Variants in UQCRB observed in about 807,000 individuals in gnomAD.
UQCRB encodes the protein ubiquinol-cytochrome c reductase binding protein.
A neutral mutation model predicts 19.8 loss-of-function variants in UQCRB; 12 were observed. The ratio of observed to expected loss-of-function variants is 0.61; its 90% CI spans 0.39 to 0.98. The LOEUF (loss-of-function observed/expected upper bound fraction) is 0.98. Ranked by LOEUF, UQCRB falls within the 50% of genes least tolerant of loss-of-function variation. The pLI is 0.00. For synonymous variants in UQCRB, 39 were observed against 42.9 expected (o/e 0.91, Z 0.35); for missense variants, 142 against 131.8 (o/e 1.08, Z -0.38).
At chr8:96,233,307 G>T in intron 1 of UQCRB, 80 bp from the exon 2 acceptor site, 1 of 1,311,262 alleles carries the variant, frequency 7.6e-7, no homozygotes, top group Non-Finnish European at 1.1e-6. Context: ...CCAGTACTCA[G>T]TTATCTTGCT....
Position 96,230,432 on chromosome 8 carries a change from G to C in UQCRB, c.*623C>G, listed in dbSNP as rs749456471. 3.5e-5 allele frequency: 16 copies of C among 452,868 alleles called. No individual in the cohort carries two copies. The highest frequency in any genetic ancestry group is 6.6e-5 in the Non-Finnish European group (15 of 226,488). 28.1% of individuals were successfully genotyped at this position (452,868 alleles called of 1,614,324 possible). ...CCCTATAATCTTAAAACTTTTAACT[G>C]ACTAGTATCCAACCCTTAAACTTCA... On this transcript the variant is annotated 3_prime_UTR_variant, in exon 4 of 4. Coordinates refer to ENST00000287022, the MANE Select transcript of UQCRB (RefSeq NM_006294.5).
rs1328396420 is a variant in UQCRB at position 96,227,146 on chromosome 8, T to A, written c.*3909A>T. 4.4e-6 allele frequency: 2 copies of A among 451,402 alleles called. No homozygotes were observed. Among genetic ancestry groups the A allele is most frequent in the Non-Finnish European group, 8.9e-6 (2 of 225,280 alleles). The allele number at this position is 451,402 out of a possible 1,614,324, so 28.0% of individuals were successfully genotyped here. On this transcript the variant is annotated 3_prime_UTR_variant, in exon 4 of 4. Coordinates refer to ENST00000287022, the MANE Select transcript of UQCRB (RefSeq NM_006294.5). ...TCTGGTATGTTTAAAGAGTGAGCAA[T>A]CATATAAAAGGAAATATGGTCATAA...
At position 96,229,434 on chromosome 8, in the gene UQCRB, G is replaced by C. The variant is rs570461534; in HGVS notation, c.*1621C>G. ...CCTACACACCTTGACAGTGCTCTTT[G>C]AGATGCCTCAGTTGTAGTCTCCTTG... On this transcript the variant is annotated 3_prime_UTR_variant, in exon 4 of 4. Transcript: ENST00000287022. 1.6e-3 allele frequency: 745 copies of C among 454,100 alleles called. 9 individuals carry two copies. Among genetic ancestry groups the C allele is most frequent in the Middle Eastern group, 6.2e-3 (9 of 1,444 alleles). The allele number at this position is 454,100 out of a possible 1,614,324, so 28.1% of individuals were successfully genotyped here. A position where few individuals can be genotyped will look rare whatever the true frequency, so the allele number is the denominator to read the frequency against.
At position 96,227,884 on chromosome 8, in the gene UQCRB, G is replaced by A. The variant is rs1809560825; in HGVS notation, c.*3171C>T. On this transcript the variant is annotated 3_prime_UTR_variant, in exon 4 of 4. Coordinates refer to ENST00000287022, the MANE Select transcript of UQCRB (RefSeq NM_006294.5). ...ATTCTAGAATTTAAAAACAGGAAAAGGTGCCATTAGTAAAAACTCCATCAC... is the reference window on the plus strand; with the variant it reads ...ATTCTAGAATTTAAAAACAGGAAAAAGTGCCATTAGTAAAAACTCCATCAC... 1 of 453,990 alleles carries A rather than the reference G, an allele frequency of 2.2e-6. No individual in the cohort carries two copies. Among genetic ancestry groups the A allele is most frequent in the Admixed American group, 2.3e-5 (1 of 42,556 alleles). The allele number at this position is 453,990 out of a possible 1,614,324, so 28.1% of individuals were successfully genotyped here. A position where few individuals can be genotyped will look rare whatever the true frequency, so the allele number is the denominator to read the frequency against.
At chr8:96,234,142 A>C (rs1024185140) in intron 1 of UQCRB, 3 of 157,012 alleles carry the variant, frequency 1.9e-5, no homozygotes, top group African/African-American at 7.2e-5. Flanking sequence ...CCTTTCACTC[A>C]ACTCTCCTTG....
intron 2 of UQCRB, 34 bp from the exon 3 acceptor site, chr8:96,231,974 A>G: frequency 6.2e-7 from 1 of 1,608,666 alleles, no homozygotes; most frequent in Admixed American, 1.7e-5. Flanking sequence ...TTGCACATGC[A>G]TCTCAAAAAT....
At chr8:96,231,178 T>C (rs750458102) in intron 3 of UQCRB, 46 bp from the exon 4 acceptor site, 15 of 1,614,148 alleles carry the variant, frequency 9.3e-6, no homozygotes, top group Non-Finnish European at 1.2e-5. Flanking sequence ...CGTACTGATA[T>C]ATCCCAAACA....
intron 1 of UQCRB, chr8:96,235,306 T>G (rs1809783126): frequency 1.4e-6 from 1 of 707,168 alleles, no homozygotes; most frequent in African/African-American, 1.8e-5. Flanking sequence ...AACAGCGGGT[T>G]AACATCCCAA....
intron 3 of UQCRB, chr8:96,231,476 C>T (rs893385147): frequency 1.3e-6 from 2 of 1,534,664 alleles, no homozygotes; most frequent in Non-Finnish European, 8.7e-7. Context: ...ATCTTTTCAT[C>T]TAAGTAGGAA....
At position 96,235,534 on chromosome 8, in the gene UQCRB, G is replaced by A. The variant is rs372504617; in HGVS notation, c.-4C>T. 1.1e-5 allele frequency: 17 copies of A among 1,614,090 alleles called. No individual in the cohort carries two copies. The African/African-American group carries it at 2.0e-4, about 19-fold the overall frequency. On this transcript the variant is annotated 5_prime_UTR_variant, in exon 1 of 4. Transcript: ENST00000287022. ...TACCGGCCTGCTTACCAGCCATTTT[G>A]ACCAGAAAGAGAAGCGTTGCCTTCT...
rs758398153 is a variant in UQCRB, at chr8:96,235,519, C to G, written c.12G>C (p.Lys4Asn). Residue 4 changes from lysine (K) to asparagine (N), a missense_variant, in exon 1 of 4, where the codon AAG becomes AAC. By Grantham distance (94) the Lys-to-Asn change is moderately conservative. Around this residue, in one of 2 missense-constraint regions of UQCRB, gnomAD observed 132 missense variants for 107.5 expected, o/e 1.23. Coordinates refer to ENST00000287022, the MANE Select transcript of UQCRB (RefSeq NM_006294.5). MAG[K>N]QAVSASGKWL... Reference sequence around the variant, plus strand: ...AGACCCCCAGTTACTTACCGGCCTGCTTACCAGCCATTTTGACCAGAAAGA... The same window carrying G: ...AGACCCCCAGTTACTTACCGGCCTGGTTACCAGCCATTTTGACCAGAAAGA... The G allele has an allele frequency of 1.6e-5, 26 of 1,614,214 alleles. No individual in the cohort carries two copies. The highest frequency in any genetic ancestry group is 2.1e-5 in the Non-Finnish European group (25 of 1,180,040).
chr8:96,230,682 C>A lies in UQCRB; in HGVS notation c.*373G>T, dbSNP rs1413032457. The A allele has an allele frequency of 2.1e-6, 1 of 468,998 alleles. No individual in the cohort carries two copies. Among genetic ancestry groups the A allele is most frequent in the Non-Finnish European group, 4.2e-6 (1 of 237,232 alleles). The allele number at this position is 468,998 out of a possible 1,614,324, so 29.1% of individuals were successfully genotyped here. A position where few individuals can be genotyped will look rare whatever the true frequency, so the allele number is the denominator to read the frequency against. The stretch of plus-strand genomic sequence containing the variant: ...GCATACCAGTGAAGAGGCTATTTCT[C>A]AATCTTGGCAAACTAGGGGGTGCAT... On this transcript the variant is annotated 3_prime_UTR_variant, in exon 4 of 4. Transcript: ENST00000287022.
rs548380723 is a variant in UQCRB, at chr8:96,228,084, G to T, written c.*2971C>A. ...CTTCCTACATCTTGACAACAGGAAGGCCAAGTGATACTAGGTAGTGCACTA... is the reference window on the plus strand; with the variant it reads ...CTTCCTACATCTTGACAACAGGAAGTCCAAGTGATACTAGGTAGTGCACTA... On this transcript the variant is annotated 3_prime_UTR_variant, in exon 4 of 4. Coordinates refer to ENST00000287022, the MANE Select transcript of UQCRB (RefSeq NM_006294.5). 39 of 454,058 alleles carry T rather than the reference G, an allele frequency of 8.6e-5. No homozygotes were observed. The highest frequency in any genetic ancestry group is 7.2e-4 in the African/African-American group (36 of 50,102). 28.1% of individuals were successfully genotyped at this position (454,058 alleles called of 1,614,324 possible).
Position 96,228,910 on chromosome 8 carries a change from C to T in UQCRB, c.*2145G>A, listed in dbSNP as rs1433596417. ...GCAGAGTGCCTGTGTTTCAGGCACT[C>T]TCATGGTGATTTTCCACACAGGACG... On this transcript the variant is annotated 3_prime_UTR_variant, in exon 4 of 4. Transcript: ENST00000287022. 1 of 453,944 alleles carries T rather than the reference C, an allele frequency of 2.2e-6. No homozygotes were observed. The highest frequency in any genetic ancestry group is 6.9e-5 in the East Asian group (1 of 14,396). The allele number at this position is 453,944 out of a possible 1,614,324, so 28.1% of individuals were successfully genotyped here.
Position 96,228,115 on chromosome 8 carries a change from G to A in UQCRB, c.*2940C>T, listed in dbSNP as rs1325105182. On this transcript the variant is annotated 3_prime_UTR_variant, in exon 4 of 4. Transcript: ENST00000287022. ...TGATACTAGGTAGTGCACTACAACA[G>A]TGAACATAAGCCAGCCATCTGTTTT... 2.2e-6 allele frequency: 1 copy of A among 454,112 alleles called. No homozygotes were observed. The highest frequency in any genetic ancestry group is 2.0e-5 in the African/African-American group (1 of 50,126). The allele number at this position is 454,112 out of a possible 1,614,324, so 28.1% of individuals were successfully genotyped here.
At chr8:96,231,490 G>A (rs1320157616) in intron 3 of UQCRB, 1 of 1,534,354 alleles carries the variant, frequency 6.5e-7, no homozygotes, top group East Asian at 2.4e-5. Context: ...GTAGGAAGCA[G>A]AGTGCAGAGC....
In UQCRB at chr8:96,231,916, T is replaced by C. The variant is rs373917947; in HGVS notation, c.116A>G (p.Tyr39Cys). 2 of 1,613,580 alleles carry C rather than the reference T, an allele frequency of 1.2e-6. No individual in the cohort carries two copies. The highest frequency in any genetic ancestry group is 1.3e-5 in the African/African-American group (1 of 74,948). Residue 39 changes from tyrosine to cysteine, a missense_variant, in exon 3 of 4, where the codon TAC (tyrosine) becomes TGC (cysteine). Physicochemically the swap from Tyr to Cys is radical, Grantham distance 194. Transcript: ENST00000287022. ...KLGLMRDDTI[Y>C]EDEDVKEAIR... Reference sequence around the variant, plus strand: ...GGCTTCTTTTACATCTTCATCCTCGTATATTGTATCATCTCGCATTAACCC... The same window carrying C: ...GGCTTCTTTTACATCTTCATCCTCGCATATTGTATCATCTCGCATTAACCC...
rs1809607058 is a variant in UQCRB at position 96,229,444 on chromosome 8, A to G, written c.*1611T>C. 1 of 454,132 alleles carries G rather than the reference A, an allele frequency of 2.2e-6. No individual in the cohort carries two copies. Among genetic ancestry groups the G allele is most frequent in the Non-Finnish European group, 4.4e-6 (1 of 226,794 alleles). 28.1% of individuals were successfully genotyped at this position (454,132 alleles called of 1,614,324 possible). On this transcript the variant is annotated 3_prime_UTR_variant, in exon 4 of 4. Coordinates refer to ENST00000287022, the MANE Select transcript of UQCRB (RefSeq NM_006294.5). Reference sequence around the variant, plus strand: ...TTGACAGTGCTCTTTGAGATGCCTCAGTTGTAGTCTCCTTGTAATTGTGCA... The same window carrying G: ...TTGACAGTGCTCTTTGAGATGCCTCGGTTGTAGTCTCCTTGTAATTGTGCA...
Position 96,229,005 on chromosome 8 carries a change from CCATTCA to C in UQCRB, c.*2044_*2049del, listed in dbSNP as rs1052393778. On this transcript the variant is annotated 3_prime_UTR_variant, in exon 4 of 4. Transcript: ENST00000287022. ...CACTGATGGATTAACAAATTCTCAC[CCATTCA>C]CCTGTGTGAGCCAAATACTAGATCT... 1.2e-4 allele frequency: 54 copies of C among 453,900 alleles called. No individual in the cohort carries two copies. The highest frequency in any genetic ancestry group is 9.6e-4 in the African/African-American group (48 of 49,958). 28.1% of individuals were successfully genotyped at this position (453,900 alleles called of 1,614,324 possible).
Sources: allele counts gnomAD v4.1 joint callset, GRCh38; gene constraint gnomAD v4.1.1; regional missense constraint gnomAD v4.1.1; transcripts MANE v1.5; gene names NCBI Gene and HGNC (gene_info 2026-07-23, HGNC 2026-07-21).